EFHC2: variants seen among roughly 807,000 people sequenced by gnomAD.
EFHC2 encodes EF-hand domain containing 2.
EFHC2 carries 18 observed loss-of-function variants against 52.7 expected under a neutral mutation model. That is an observed-to-expected ratio of 0.34 (90% CI 0.24 to 0.51). The LOEUF (loss-of-function observed/expected upper bound fraction) is 0.51. EFHC2 is among the 20% of genes least tolerant of loss of function. The probability of loss-of-function intolerance (pLI) is 0.97; values close to 1 mark genes in which losing one functional copy is unlikely to be tolerated. For missense variants in EFHC2, 513 were observed against 562.5 expected, an observed-to-expected ratio of 0.91 and a Z score of 0.89; for synonymous variants, 203 against 204.1, an observed-to-expected ratio of 0.99 and a Z score of 0.04.
chrX:44,215,275 C>T (rs1569285691), intron 11 of EFHC2, among the ~76,000 whole-genome samples: 1 of 111,210 alleles, frequency 9.0e-6, no homozygotes, highest in East Asian at 2.8e-4. Context: ...ATTCATAGCA[C>T]TGTGAGAACT....
intron 11 of EFHC2, among the ~76,000 whole-genome samples, chrX:44,212,437 C>A (rs1439723762): frequency 2.7e-5 from 3 of 110,575 alleles, no homozygotes; most frequent in Non-Finnish European, 5.7e-5. Context: ...TTTATCAGAG[C>A]CTAACAACCT....
intron 4 of EFHC2, among the ~76,000 whole-genome samples, chrX:44,255,741 C>T (rs1255619432): frequency 9.0e-6 from 1 of 111,678 alleles, no homozygotes; most frequent in Non-Finnish European, 1.9e-5. Context: ...CAAGGATATT[C>T]AGGACTTGAA....
intron 11 of EFHC2, among the ~76,000 whole-genome samples, chrX:44,211,289 A>G (rs1281879496): frequency 8.9e-6 from 1 of 112,200 alleles, no homozygotes; most frequent in Non-Finnish European, 1.9e-5. Flanking sequence ...GCACTTTGGG[A>G]GGCTGAGGTG....
At chrX:44,204,571 C>T (rs1311464175) in intron 11 of EFHC2, among the ~76,000 whole-genome samples, 1 of 111,604 alleles carries the variant, frequency 9.0e-6, no homozygotes, top group Admixed American at 9.5e-5. Context: ...AAGTTCACTA[C>T]AGGAATTTCA....
chrX:44,332,059 A>T (rs1288854558), intron 1 of EFHC2, among the ~76,000 whole-genome samples: 2 of 107,250 alleles, frequency 1.9e-5, no homozygotes, highest in Non-Finnish European at 3.9e-5. Flanking sequence ...ACTTCAATTT[A>T]AAAAAAAAAG....
intron 11 of EFHC2, among the ~76,000 whole-genome samples, chrX:44,228,217 C>G (rs893701872): frequency 2.7e-5 from 3 of 111,672 alleles, no homozygotes; most frequent in African/African-American, 9.8e-5. Flanking sequence ...CGTAGTGGCC[C>G]TTTATCCCAC....
intron 1 of EFHC2, among the ~76,000 whole-genome samples, chrX:44,335,330 G>A (rs781261189): frequency 2.7e-5 from 3 of 111,050 alleles, no homozygotes; most frequent in African/African-American, 9.8e-5. Context: ...AAAAGCTAGA[G>A]CTCTCTGAAA....
chrX:44,226,361 G>A (rs939634285), intron 11 of EFHC2, among the ~76,000 whole-genome samples: 3 of 111,273 alleles, frequency 2.7e-5, no homozygotes, highest in African/African-American at 6.6e-5. Context: ...AGTTCAAGAC[G>A]TATAATTCCA....
At chrX:44,155,330 G>A (rs1164270887) in intron 14 of EFHC2, among the ~76,000 whole-genome samples, 1 of 112,076 alleles carries the variant, frequency 8.9e-6, no homozygotes. Context: ...GCACACCCTT[G>A]AAATGGGAAG....
At chrX:44,262,388 G>A (rs2037545978) in intron 3 of EFHC2, among the ~76,000 whole-genome samples, 1 of 107,208 alleles carries the variant, frequency 9.3e-6, no homozygotes, top group Admixed American at 1.0e-4. Flanking sequence ...GTGCCCACAT[G>A]TGGTCCCATC....
chrX:44,229,856 G>T, intron 10 of EFHC2, 77 bp from the exon 11 acceptor site: 1 of 994,751 alleles, frequency 1.0e-6, no homozygotes, highest in Non-Finnish European at 1.4e-6. Context: ...CTGATGGCCA[G>T]CAAAGGGACT....
chrX:44,261,324 G>T (rs1569296188), intron 3 of EFHC2, 26 bp from the exon 4 acceptor site: 1 of 1,108,576 alleles, frequency 9.0e-7, no homozygotes, highest in East Asian at 3.0e-5. Context: ...AAATACAACT[G>T]TTTTATCATG....
At chrX:44,235,529 T>C (rs1602168270) in intron 8 of EFHC2, 82 bp from the exon 9 acceptor site, 69 of 951,804 alleles carry the variant, frequency 7.2e-5, no homozygotes, top group Non-Finnish European at 9.5e-5. Context: ...GCAAAAGATA[T>C]AATATGGCTT....
intron 11 of EFHC2, among the ~76,000 whole-genome samples, chrX:44,208,746 C>T (rs2037068573): frequency 9.0e-6 from 1 of 111,473 alleles, no homozygotes; most frequent in South Asian, 3.8e-4. Flanking sequence ...TCATAAAGTT[C>T]ATATGGAAAA....
At chrX:44,312,891 A>C in intron 1 of EFHC2, 135 bp from the exon 2 acceptor site, 1 of 549,485 alleles carries the variant, frequency 1.8e-6, no homozygotes, top group Non-Finnish European at 2.8e-6. Context: ...GCAAATAATT[A>C]TGATCAATCT....
At chrX:44,339,891 C>T (rs1045218651) in intron 1 of EFHC2, among the ~76,000 whole-genome samples, 54 of 111,594 alleles carry the variant, frequency 4.8e-4, no homozygotes, top group African/African-American at 1.8e-3. Context: ...ACACACAGTA[C>T]ATTTAGTACC....
At position 44,251,064 on chromosome X, in the gene EFHC2, C is replaced by G. The variant is rs754550587; in HGVS notation, c.607-619G>C. Among the ~76,000 whole-genome samples, 5 of 102,971 alleles carry G rather than the reference C, an allele frequency of 4.9e-5. No homozygotes were observed. The East Asian group carries it at 1.6e-3, about 32-fold the overall frequency. The allele number at this position is 102,971 out of a possible 115,157, so 89.4% of individuals were successfully genotyped here. On this transcript the variant is annotated intron_variant, in intron 4 of 14. Coordinates refer to ENST00000420999, the MANE Select transcript of EFHC2 (RefSeq NM_025184.4). ...CCATCCTGACTAACACGGTGAAACC[C>G]CGTCTCTACTAAAAATACAAAAAAA... is the stretch of plus-strand genomic sequence containing the variant.
At chrX:44,227,983 A>G (rs1386649632) in intron 11 of EFHC2, among the ~76,000 whole-genome samples, 1 of 112,007 alleles carries the variant, frequency 8.9e-6, no homozygotes, top group African/African-American at 3.2e-5. Flanking sequence ...AGGGCTGCAG[A>G]AAAAGAGGTG....
At chrX:44,296,493 A>T (rs1237859133) in intron 2 of EFHC2, among the ~76,000 whole-genome samples, 1 of 111,634 alleles carries the variant, frequency 9.0e-6, no homozygotes, top group Non-Finnish European at 1.9e-5. Flanking sequence ...AGCCAAAAAA[A>T]GGGGGGAACA....
Sources: gnomAD v4.1 joint callset for allele counts (sites outside exome capture counted in the v4.1 genomes callset) on GRCh38, gnomAD v4.1.1 for gene constraint, MANE v1.5 for transcripts, NCBI Gene and HGNC (gene_info 2026-07-23, HGNC 2026-07-21) for gene names.